Variants in GUCD1 observed in about 807,000 individuals in gnomAD.
GUCD1 encodes the protein guanylyl cyclase domain containing 1.
GUCD1 carries 17 observed loss-of-function variants against 28.3 expected under a neutral mutation model. The observed-to-expected ratio is 0.60, with a 90% CI of 0.41 to 0.90. The LOEUF (loss-of-function observed/expected upper bound fraction) is 0.90, where lower values mean the gene tolerates loss of function less well. Ranked by LOEUF, GUCD1 falls within the 40% of genes least tolerant of loss-of-function variation. The probability of loss-of-function intolerance (pLI) is 0.00; values close to 1 mark genes in which losing one functional copy is unlikely to be tolerated. For synonymous variants in GUCD1, 129 were observed against 123.3 expected (o/e 1.05, Z -0.30); for missense variants, 279 against 305.5 (o/e 0.91, Z 0.65).
In GUCD1 at chr22:24,555,034, G is replaced by A; in HGVS notation, c.-43C>T. ...GCGCCCATGGCCCCGGCCCAGAGCGGGCTACAGCTTCCGCTTCGGCTGGGG... is the reference window on the plus strand; with the variant it reads ...GCGCCCATGGCCCCGGCCCAGAGCGAGCTACAGCTTCCGCTTCGGCTGGGG... On this transcript the variant is annotated 5_prime_UTR_variant, in exon 1 of 6. Coordinates refer to ENST00000435822, the MANE Select transcript of GUCD1 (RefSeq NM_001284254.2). The A allele has an allele frequency of 1.4e-6, 2 of 1,407,424 alleles. No individual in the cohort carries two copies. The highest frequency in any genetic ancestry group is 1.9e-6 in the Non-Finnish European group (2 of 1,079,064). The allele number at this position is 1,407,424 out of a possible 1,614,324, so 87.2% of individuals were successfully genotyped here.
At position 24,547,896 on chromosome 22, in the gene GUCD1, C is replaced by G. The variant is rs767156850; in HGVS notation, c.294+12G>C. 4 of 1,613,488 alleles carry G rather than the reference C, an allele frequency of 2.5e-6. No individual in the cohort carries two copies. The highest frequency in any genetic ancestry group is 3.4e-6 in the Non-Finnish European group (4 of 1,179,706). The stretch of plus-strand genomic sequence containing the variant: ...GGCCCCACATGGGAAGGCCTGGTGG[C>G]TGGTCGCTCACCTGGTTCTTGTAGC... On this transcript the variant is annotated intron_variant, in intron 3 of 5. Coordinates refer to ENST00000435822, the MANE Select transcript of GUCD1 (RefSeq NM_001284254.2).
chr22:24,547,131 A>G, intron 3 of GUCD1, 126 bp from the exon 4 acceptor site: 1 of 719,574 alleles, frequency 1.4e-6, no homozygotes, highest in Non-Finnish European at 2.5e-6. Context: ...CCCACCTGCC[A>G]GGGCAGACGG....
intron 1 of GUCD1, among the ~76,000 whole-genome samples, chr22:24,550,962 T>G (rs1013044323): frequency 6.6e-6 from 1 of 152,200 alleles, no homozygotes; most frequent in Non-Finnish European, 1.5e-5. Context: ...GGCAGGGACC[T>G]ATCACTGCTC....
chr22:24,545,182 T>C (rs1278252956), intron 4 of GUCD1, among the ~76,000 whole-genome samples: 1 of 152,132 alleles, frequency 6.6e-6, no homozygotes, highest in East Asian at 1.9e-4. Context: ...ATCAGTACCA[T>C]GTGGCCTGAC....
At chr22:24,552,636 G>A (rs1405733271) in intron 1 of GUCD1, among the ~76,000 whole-genome samples, 1 of 152,030 alleles carries the variant, frequency 6.6e-6, no homozygotes, top group Non-Finnish European at 1.5e-5. Context: ...GCCGGGCAGG[G>A]GCCAGAGCCT....
Position 24,542,705 on chromosome 22 carries a change from G to A in GUCD1, c.*301C>T. ...ACCATTGCCATGGATCTGGCTCAAA[G>A]GCAACAAGGGCACTGTCGGGACTGG... On this transcript the variant is annotated 3_prime_UTR_variant, in exon 6 of 6. Transcript: ENST00000435822. 2 of 375,036 alleles carry A rather than the reference G, an allele frequency of 5.3e-6. No homozygotes were observed. The highest frequency in any genetic ancestry group is 5.0e-5 in the South Asian group (2 of 40,038). The allele number at this position is 375,036 out of a possible 1,614,324, so 23.2% of individuals were successfully genotyped here.
intron 5 of GUCD1, among the ~76,000 whole-genome samples, chr22:24,543,391 T>C (rs2044643007): frequency 6.6e-6 from 1 of 152,174 alleles, no homozygotes; most frequent in Non-Finnish European, 1.5e-5. Context: ...AGGGGCTGTC[T>C]ATGTGAATCC....
chr22:24,543,214 C>T, intron 5 of GUCD1, 117 bp from the exon 6 acceptor site: 1 of 738,798 alleles, frequency 1.4e-6, no homozygotes, highest in Non-Finnish European at 2.4e-6. Flanking sequence ...ATGGCCATTC[C>T]TCTCAACTCA....
upstream of GUCD1, chr22:24,555,186 G>A (rs1429693989): frequency 6.9e-6 from 9 of 1,301,180 alleles, no homozygotes; most frequent in Non-Finnish European, 8.8e-6. Flanking sequence ...CGAATCTGGA[G>A]GCCCCGCCCC....
At position 24,544,055 on chromosome 22, in the gene GUCD1, G is replaced by A; in HGVS notation, c.415C>T (p.His139Tyr). ...CTVSVKDIQA[H>Y]LAQGHVAIVL... Reference sequence around the variant, plus strand: ...ATGGCCACATGGCCCTGAGCCAGGTGCGCCTGGATGTCCTTCACACTCACT... The same window carrying A: ...ATGGCCACATGGCCCTGAGCCAGGTACGCCTGGATGTCCTTCACACTCACT... Residue 139 changes from histidine to tyrosine, a missense_variant, in exon 5 of 6, where the codon CAC becomes TAC. Transcript: ENST00000435822. 1.4e-5 allele frequency: 22 copies of A among 1,613,956 alleles called. No individual in the cohort carries two copies. The highest frequency in any genetic ancestry group is 1.8e-5 in the Non-Finnish European group (21 of 1,179,948).
chr22:24,555,421 A>G (rs915427619), upstream of GUCD1: 11 of 1,172,024 alleles, frequency 9.4e-6, no homozygotes, highest in African/African-American at 1.2e-4. Context: ...TCCCTTCGGC[A>G]AGCCCCGCCT....
rs2044736202 is a variant in GUCD1 at position 24,546,687 on chromosome 22, C to T, written c.386+227G>A. On this transcript the variant is annotated intron_variant, in intron 4 of 5. Coordinates refer to ENST00000435822, the MANE Select transcript of GUCD1 (RefSeq NM_001284254.2). ...TCTCACTCACCTATCCCTCCAGCAC[C>T]TGCTCAGGATCCACCCCTGGTCAGA... 2.6e-5 allele frequency among the ~76,000 whole-genome samples: 4 copies of T among 152,238 alleles called. No individual in the cohort carries two copies. In the South Asian group the frequency reaches 8.3e-4, roughly 32 times the overall value.
At chr22:24,552,192 G>A (rs1195718224) in intron 1 of GUCD1, among the ~76,000 whole-genome samples, 1 of 152,166 alleles carries the variant, frequency 6.6e-6, no homozygotes, top group African/African-American at 2.4e-5. Flanking sequence ...TTCTAGAGCT[G>A]GGCACAGTGG....
Position 24,555,058 on chromosome 22 carries a change from G to C in GUCD1, c.-67C>G, listed in dbSNP as rs2045006378. 1.5e-6 allele frequency: 2 copies of C among 1,358,114 alleles called. No individual in the cohort carries two copies. Among genetic ancestry groups the C allele is most frequent in the African/African-American group, 3.0e-5 (2 of 65,884 alleles). 84.1% of individuals were successfully genotyped at this position (1,358,114 alleles called of 1,614,324 possible). ...GGGCTACAGCTTCCGCTTCGGCTGG[G>C]GCGGGAGGGCGGTCGGTGCGTGTCG... On this transcript the variant is annotated 5_prime_UTR_variant, in exon 1 of 6. Coordinates refer to ENST00000435822, the MANE Select transcript of GUCD1 (RefSeq NM_001284254.2).
chr22:24,554,912 C>G, intron 1 of GUCD1, 37 bp downstream of exon 1: 1 of 1,514,784 alleles, frequency 6.6e-7, no homozygotes, highest in Non-Finnish European at 9.1e-7. Flanking sequence ...CCCTTTCGTT[C>G]CTAGGGTGAA....
intron 5 of GUCD1, 51 bp downstream of exon 5, chr22:24,543,791 A>G (rs1456675428): frequency 2.5e-6 from 4 of 1,596,020 alleles, no homozygotes; most frequent in Non-Finnish European, 3.4e-6. Context: ...CTGGGCATAC[A>G]GAACAGTGAA....
chr22:24,555,568 A>C (rs1316553742), upstream of GUCD1: 93 of 1,541,502 alleles, frequency 6.0e-5, no homozygotes, highest in Non-Finnish European at 7.8e-5. Context: ...CTCTATACCT[A>C]ACTTTATCCG....
chr22:24,549,521 T>C (rs2147090679), intron 1 of GUCD1, among the ~76,000 whole-genome samples: 1 of 152,250 alleles, frequency 6.6e-6, no homozygotes, highest in South Asian at 2.1e-4. Flanking sequence ...AGAGTCTTTT[T>C]CTTTTTTTTC....
rs1336199779 is a variant in GUCD1, at chr22:24,554,834, G to C, written c.43+115C>G. On this transcript the variant is annotated intron_variant, in intron 1 of 5. Transcript: ENST00000435822. ...ACCCCCACTGACTGGAACCAGGCGG[G>C]TGTGGGGGCGAGGCGGGAGTCGGCC... 3 of 755,864 alleles carry C rather than the reference G, an allele frequency of 4.0e-6. No individual in the cohort carries two copies. The African/African-American group carries it at 5.5e-5, about 14-fold the overall frequency. The allele number at this position is 755,864 out of a possible 1,614,324, so 46.8% of individuals were successfully genotyped here. A position where few individuals can be genotyped will look rare whatever the true frequency, so the allele number is the denominator to read the frequency against.
Sources: gnomAD v4.1 joint callset for allele counts (sites outside exome capture counted in the v4.1 genomes callset) on GRCh38, gnomAD v4.1.1 for gene constraint, MANE v1.5 for transcripts, NCBI Gene and HGNC (gene_info 2026-07-23, HGNC 2026-07-21) for gene names.